Variants in IWS1 observed in about 807,000 individuals in gnomAD.
IWS1 encodes the protein interacts with SUPT6H, CTD assembly factor 1, also known as protein IWS1 homolog.
A neutral mutation model predicts 86.7 loss-of-function variants in IWS1; 27 were observed. That is an observed-to-expected ratio of 0.31 (90% CI 0.23 to 0.43). The LOEUF (loss-of-function observed/expected upper bound fraction) is 0.43, where lower values mean the gene tolerates loss of function less well. Ranked by LOEUF, IWS1 falls within the 20% of genes least tolerant of loss-of-function variation. IWS1 has a pLI of 1.00. For missense variants in IWS1, 827 were observed against 1,000.8 expected (o/e 0.83, Z 2.34); for synonymous variants, 313 against 335.1 (o/e 0.93, Z 0.72).
intron 13 of IWS1, chr2:127,484,572 G>A (rs1433438889): frequency 1.3e-5 from 2 of 152,214 alleles, no homozygotes; most frequent in Non-Finnish European, 2.9e-5. Context: ...CAGGGACACA[G>A]CCCTGGAAAC....
At chr2:127,522,762 T>G (rs556720777) in intron 2 of IWS1, among the ~76,000 whole-genome samples, 1 of 152,256 alleles carries the variant, frequency 6.6e-6, no homozygotes, top group African/African-American at 2.4e-5. Flanking sequence ...GGCGAACTTA[T>G]TGAAAAATTT....
At chr2:127,498,067 C>T in intron 6 of IWS1, 73 bp downstream of exon 6, 1 of 1,194,284 alleles carries the variant, frequency 8.4e-7, no homozygotes, top group Non-Finnish European at 1.2e-6. Context: ...AAATGAAAAA[C>T]AAAAGAGAGT....
chr2:127,514,355 G>A (rs1691650790), intron 2 of IWS1: 1 of 154,394 alleles, frequency 6.5e-6, no homozygotes, highest in Admixed American at 6.5e-5. Context: ...TGCAAAAAGG[G>A]GTGTCTAACA....
At chr2:127,520,394 C>G (rs879256658) in intron 2 of IWS1, among the ~76,000 whole-genome samples, 2 of 152,154 alleles carry the variant, frequency 1.3e-5, no homozygotes, top group African/African-American at 2.4e-5. Flanking sequence ...GTCTCGATCT[C>G]TTGACCTCAT....
At chr2:127,481,793 A>G (rs1208212679) in intron 13 of IWS1, among the ~76,000 whole-genome samples, 1 of 152,166 alleles carries the variant, frequency 6.6e-6, no homozygotes, top group African/African-American at 2.4e-5. Flanking sequence ...GAAGGAAATG[A>G]GATAGTGATG....
chr2:127,504,269 A>G (rs1302501342), intron 3 of IWS1, among the ~76,000 whole-genome samples: 2 of 152,206 alleles, frequency 1.3e-5, no homozygotes, highest in Non-Finnish European at 2.9e-5. Context: ...TTAACAAATG[A>G]AGAGATGTAC....
At chr2:127,498,546 C>A (rs756391982) in intron 5 of IWS1, among the ~76,000 whole-genome samples, 2 of 152,176 alleles carry the variant, frequency 1.3e-5, no homozygotes, top group Admixed American at 6.5e-5. Context: ...AGAAAAGAAT[C>A]TAGAGGCCAA....
At position 127,505,231 on chromosome 2, in the gene IWS1, T is replaced by C. The variant is rs1183742208; in HGVS notation, c.672A>G (p.Ser224=). 10 of 1,613,452 alleles carry C rather than the reference T, an allele frequency of 6.2e-6. No individual in the cohort carries two copies. Among genetic ancestry groups the C allele is most frequent in the Non-Finnish European group, 7.6e-6 (9 of 1,179,784 alleles). The change falls in exon 3 of 14, where the codon TCA becomes TCG. Residue 224 remains serine (S), a synonymous_variant. Coordinates refer to ENST00000295321, the MANE Select transcript of IWS1 (RefSeq NM_017969.3). This position sits in a 1 kb window ranked among gnomAD's most constrained non-coding sequence, Gnocchi z 5.0. The stretch of plus-strand genomic sequence containing the variant: ...GGTGCCTTGGGGGTTCCTCACTTTC[T>C]GAATCACTGACCTGAGGTTTAGGAA... The part of the protein sequence containing the change: ...EELPKPQVSD[S]ESEEPPRHQA...
In IWS1 at chr2:127,505,637, C is replaced by T. The variant is rs1049018684; in HGVS notation, c.266G>A (p.Arg89Lys). 3.7e-6 allele frequency: 6 copies of T among 1,612,468 alleles called. No individual in the cohort carries two copies. In the Admixed American group the frequency reaches 6.7e-5, roughly 18 times the overall value. ...AGATTCAGAGTCGCTGTCCTTTTGCCTGTGAAGCTCCTCACTTTCAGAGTC... is the reference window on the plus strand; with the variant it reads ...AGATTCAGAGTCGCTGTCCTTTTGCTTGTGAAGCTCCTCACTTTCAGAGTC... ...ASDSESEELH[R>K]QKDSDSESEE... The change falls in exon 3 of 14, where the codon AGG becomes AAG. Residue 89 changes from arginine (R) to lysine (K), a missense_variant. Coordinates refer to ENST00000295321, the MANE Select transcript of IWS1 (RefSeq NM_017969.3). The surrounding 1 kb of genome is among the most constrained non-coding windows in gnomAD (Gnocchi z 5.0).
At chr2:127,492,849 A>G (rs992417632) in intron 9 of IWS1, 1 of 152,916 alleles carries the variant, frequency 6.5e-6, no homozygotes, top group African/African-American at 2.4e-5. Flanking sequence ...ATACATATAT[A>G]AAGCACCTGG....
chr2:127,494,710 A>G (rs560191522), intron 8 of IWS1, 162 bp downstream of exon 8: 83 of 427,634 alleles, frequency 1.9e-4, no homozygotes, highest in African/African-American at 1.6e-3. Flanking sequence ...AAGGCTTAAT[A>G]AAAATTTATG....
chr2:127,523,659 T>A lies in IWS1; in HGVS notation c.150+17A>T. The A allele has an allele frequency of 6.5e-7, 1 of 1,529,790 alleles. No homozygotes were observed. The allele number at this position is 1,529,790 out of a possible 1,614,324, so 94.8% of individuals were successfully genotyped here. A position where few individuals can be genotyped will look rare whatever the true frequency, so the allele number is the denominator to read the frequency against. Reference sequence around the variant, plus strand: ...CGCAAGGGAAAAGCCCTCCCAAAGATGTTGGTTAGCCAATACCTCTGAATG... The same window carrying A: ...CGCAAGGGAAAAGCCCTCCCAAAGAAGTTGGTTAGCCAATACCTCTGAATG... On this transcript the variant is annotated intron_variant, in intron 2 of 13. Transcript: ENST00000295321.
At chr2:127,513,929 C>G (rs4662735) in intron 2 of IWS1, among the ~76,000 whole-genome samples, 1 of 152,138 alleles carries the variant, frequency 6.6e-6, no homozygotes, top group African/African-American at 2.4e-5. Context: ...AATTCCTAGG[C>G]AGATAGGGGT....
At position 127,481,155 on chromosome 2, in the gene IWS1, C is replaced by CT. The variant is rs753544801; in HGVS notation, c.2348dup (p.Ile785TyrfsTer6). On this transcript the variant is annotated frameshift_variant, in exon 14 of 14. Coordinates refer to ENST00000295321, the MANE Select transcript of IWS1 (RefSeq NM_017969.3). LOFTEE classifies it high-confidence loss of function. ...TCTGTTTATCCAGTCGACTGATACC[C>CT]TTCTTGGAGGTCGCCTGAAACTAAG... 6.2e-7 allele frequency: 1 copy of CT among 1,603,566 alleles called. No individual in the cohort carries two copies. Among genetic ancestry groups the CT allele is most frequent in the Non-Finnish European group, 8.5e-7 (1 of 1,176,988 alleles).
At position 127,481,184 on chromosome 2, in the gene IWS1, A is replaced by G. The variant is rs1689603249; in HGVS notation, c.2329-9T>C. 1.3e-6 allele frequency: 2 copies of G among 1,588,152 alleles called. No homozygotes were observed. Among genetic ancestry groups the G allele is most frequent in the South Asian group, 1.1e-5 (1 of 87,456 alleles). ...TTGGAGGTCGCCTGAAACTAAGAGT[A>G]AGGGAAAAATTAAAGAGCAAACTAC... On this transcript the variant is annotated splice_polypyrimidine_tract_variant and intron_variant, in intron 13 of 13. Coordinates refer to ENST00000295321, the MANE Select transcript of IWS1 (RefSeq NM_017969.3).
At chr2:127,490,027 A>C in intron 10 of IWS1, 84 bp from the exon 11 acceptor site, 1 of 766,718 alleles carries the variant, frequency 1.3e-6, no homozygotes, top group Non-Finnish European at 2.4e-6. Context: ...GTGTGAGGGG[A>C]TATTCTAGAC....
chr2:127,481,892 A>T (rs1689650480), intron 13 of IWS1, among the ~76,000 whole-genome samples: 1 of 152,154 alleles, frequency 6.6e-6, no homozygotes, highest in African/African-American at 2.4e-5. Flanking sequence ...AAGCAACTAG[A>T]TTTACATTAA....
At chr2:127,483,583 T>TGGGGGGG (rs1407597392) in intron 13 of IWS1, among the ~76,000 whole-genome samples, 7 of 20,628 alleles carry the variant, frequency 3.4e-4, no homozygotes, top group Non-Finnish European at 4.5e-4. Flanking sequence ...GGGCGGGGGG[T>TGGGGGGG]GGTGGGGTGG....
At chr2:127,484,976 G>A (rs1021932477) in intron 13 of IWS1, among the ~76,000 whole-genome samples, 106 of 150,078 alleles carry the variant, frequency 7.1e-4, no homozygotes, top group African/African-American at 2.4e-3. Flanking sequence ...CAACCTGGGC[G>A]ACAGAGCAAG....
Sources: gnomAD v4.1 joint callset for allele counts (sites outside exome capture counted in the v4.1 genomes callset) on GRCh38, gnomAD v4.1.1 for gene constraint, Gnocchi (gnomAD v3.1) non-coding constraint, MANE v1.5 for transcripts, NCBI Gene and HGNC (gene_info 2026-07-23, HGNC 2026-07-21) for gene names.